Variants in ZNF112 observed in about 807,000 individuals in gnomAD.
ZNF112 encodes the protein zinc finger protein 112, also known as zinc finger protein 112 (Y14).
Under a neutral mutation model 77.7 loss-of-function variants are expected in ZNF112, and 37 were observed. That is an observed-to-expected ratio of 0.48 (90% confidence interval 0.37 to 0.63). The LOEUF is 0.63. Among genes scored for constraint, ZNF112 ranks in the 20% least tolerant of loss-of-function variants. ZNF112 has a pLI of 0.00. For missense variants in ZNF112, 950 were observed against 1,077.4 expected (o/e 0.88, Z 1.66); for synonymous variants, 333 against 363.6 (o/e 0.92, Z 0.96).
At chr19:44,335,873 G>A (rs73555162) in intron 3 of ZNF112, among the ~76,000 whole-genome samples, 10,680 of 152,250 alleles carry the variant, frequency 0.07, 491 homozygotes, top group African/African-American at 0.12. Flanking sequence ...GGCTTTTGAT[G>A]TCAGTCTTGA....
chr19:44,340,655 G>A lies in ZNF112; in HGVS notation c.-3-113C>T, dbSNP rs991152934. On this transcript the variant is annotated intron_variant, in intron 1 of 3. Coordinates refer to ENST00000354340, the MANE Select transcript of ZNF112 (RefSeq NM_013380.4). The stretch of plus-strand genomic sequence containing the variant: ...GGGCAACTTGAGTCACATTTACATA[G>A]TTCTCTTCTGTTTACCTTCTGTAAT... 4 of 1,443,154 alleles carry A rather than the reference G, an allele frequency of 2.8e-6. No homozygotes were observed. The South Asian group carries it at 3.7e-5, about 13-fold the overall frequency. The allele number at this position is 1,443,154 out of a possible 1,614,324, so 89.4% of individuals were successfully genotyped here. A position where few individuals can be genotyped will look rare whatever the true frequency, so the allele number is the denominator to read the frequency against.
In ZNF112 at chr19:44,328,085, T is replaced by A; in HGVS notation, c.2072A>T (p.Glu691Val). Residue 691 changes from glutamate to valine, a missense_variant, in exon 4 of 4, where the codon GAG becomes GTG. Physicochemically the swap from Glu to Val is moderately radical, Grantham distance 121. This residue lies in a region of ZNF112 where 373 missense variants were observed against 482.8 expected (regional missense o/e 0.77). Coordinates refer to ENST00000354340, the MANE Select transcript of ZNF112 (RefSeq NM_013380.4). Reference protein sequence around the residue: ...HTGEKPYQCDECGKSFSQRSY... With the variant: ...HTGEKPYQCDVCGKSFSQRSY... ...TCTCTGACTGAAACTCTTACCACAC[T>A]CATCACATTGGTATGGCTTCTCTCC... 1 of 1,613,752 alleles carries A rather than the reference T, an allele frequency of 6.2e-7. No individual in the cohort carries two copies. The highest frequency in any genetic ancestry group is 8.5e-7 in the Non-Finnish European group (1 of 1,179,930).
intron 1 of ZNF112, among the ~76,000 whole-genome samples, chr19:44,347,485 A>ACTTT (rs1555804139): frequency 5.6e-3 from 227 of 40,304 alleles, no homozygotes; most frequent in African/African-American, 0.016. Context: ...TTTTGGGTTG[A>ACTTT]TTTTTTTTTT....
chr19:44,360,257 G>GA (rs55864740), upstream of ZNF112, among the ~76,000 whole-genome samples: 100 of 138,676 alleles, frequency 7.2e-4, no homozygotes, highest in East Asian at 3.9e-3. Flanking sequence ...TCCATCTCAA[G>GA]AAAAAAAAAA....
chr19:44,329,968 G>C (rs182026667), intron 3 of ZNF112, 32 bp from the exon 4 acceptor site: 2 of 1,501,426 alleles, frequency 1.3e-6, no homozygotes, highest in South Asian at 2.5e-5. Context: ...AGATGTGCAC[G>C]AGTGAATGCT....
chr19:44,357,573 CA>C (rs60378301), upstream of ZNF112, among the ~76,000 whole-genome samples: 8,743 of 151,998 alleles, frequency 0.058, 712 homozygotes, highest in African/African-American at 0.18. Context: ...CAAGAATCCA[CA>C]AAAAAACAGA....
chr19:44,343,248 G>C, intron 1 of ZNF112: 1 of 1,613,450 alleles, frequency 6.2e-7, no homozygotes, highest in Non-Finnish European at 8.5e-7. Flanking sequence ...ATGAAAACCA[G>C]CTCACCTGGA....
chr19:44,365,486 ATGTG>A (rs1200785673), intron 1 of ZNF112, among the ~76,000 whole-genome samples: 1 of 148,064 alleles, frequency 6.8e-6, no homozygotes, highest in Non-Finnish European at 1.5e-5. Flanking sequence ...ATATATATTT[ATGTG>A]TGTGTGTGTA....
chr19:44,337,122 T>G (rs1970383505), intron 2 of ZNF112, among the ~76,000 whole-genome samples: 1 of 150,822 alleles, frequency 6.6e-6, no homozygotes, highest in African/African-American at 2.4e-5. Context: ...CCTCTTGCCT[T>G]GGCCTCCCAA....
intron 3 of ZNF112, among the ~76,000 whole-genome samples, chr19:44,330,296 CT>C (rs1970246300): frequency 6.6e-6 from 1 of 152,164 alleles, no homozygotes; most frequent in African/African-American, 2.4e-5. Context: ...CAAAACACTT[CT>C]GGTCCCAAGC....
upstream of ZNF112, among the ~76,000 whole-genome samples, chr19:44,357,058 A>ATT (rs1263291695): frequency 2.0e-5 from 3 of 152,146 alleles, no homozygotes; most frequent in Non-Finnish European, 4.4e-5. Flanking sequence ...AATTCCCGGA[A>ATT]TTTCTTGCAG....
chr19:44,350,982 T>C lies in ZNF112; in HGVS notation c.-4+5644A>G, dbSNP rs144541542. On this transcript the variant is annotated intron_variant, in intron 1 of 3. Coordinates refer to ENST00000354340, the MANE Select transcript of ZNF112 (RefSeq NM_013380.4). ...GCTTAAAATAATGCAATTTATTCTT[T>C]ATTAGTTATGGAGATCAGAAGTCTA... Among the ~76,000 whole-genome samples, 139 of 152,240 alleles carry C rather than the reference T, an allele frequency of 9.1e-4. 1 individual carries two copies. The highest frequency in any genetic ancestry group is 3.0e-3 in the African/African-American group (126 of 41,586).
At position 44,326,627 on chromosome 19, in the gene ZNF112, A is replaced by C. The variant is rs760857833; in HGVS notation, c.*806T>G. ...TTGGATACTTGCAAATATTACAGTA[A>C]AACTCTGCCTTAATTCACAGGGCAG... is the stretch of plus-strand genomic sequence containing the variant. On this transcript the variant is annotated 3_prime_UTR_variant, in exon 4 of 4. Transcript: ENST00000354340. 4.6e-5 allele frequency: 7 copies of C among 152,188 alleles called. No individual in the cohort carries two copies. The highest frequency in any genetic ancestry group is 7.2e-5 in the African/African-American group (3 of 41,452). The allele number at this position is 152,188 out of a possible 1,614,324, so 9.4% of individuals were successfully genotyped here.
chr19:44,356,564 C>T (rs1353043217), intron 1 of ZNF112, 62 bp downstream of exon 1: 1 of 152,336 alleles, frequency 6.6e-6, no homozygotes, highest in Non-Finnish European at 1.5e-5. Context: ...TGCTACTGGA[C>T]CCCAACAAAA....
At chr19:44,338,021 G>A (rs1970420360) in intron 2 of ZNF112, among the ~76,000 whole-genome samples, 1 of 145,130 alleles carries the variant, frequency 6.9e-6, no homozygotes, top group Admixed American at 6.8e-5. Context: ...CCAAGGCAAA[G>A]TAAAGATGAG....
At chr19:44,367,031 C>T (rs111731578) in intron 1 of ZNF112, 1 of 454,918 alleles carries the variant, frequency 2.2e-6, no homozygotes, top group East Asian at 6.9e-5. Flanking sequence ...TACAAGAGAT[C>T]CTCAACCCGC....
At chr19:44,337,813 GTA>G (rs1970409733) in intron 2 of ZNF112, among the ~76,000 whole-genome samples, 1 of 138,754 alleles carries the variant, frequency 7.2e-6, no homozygotes, top group East Asian at 2.1e-4. Flanking sequence ...TTCTATGTGT[GTA>G]TATGTGTATG....
intron 1 of ZNF112, among the ~76,000 whole-genome samples, chr19:44,346,109 T>G (rs188516858): frequency 6.6e-6 from 1 of 152,316 alleles, no homozygotes; most frequent in East Asian, 1.9e-4. Context: ...TTTAAGAAGG[T>G]TTCGCTGAAG....
At chr19:44,367,118 T>C (rs752147413) in exon 1 of ZNF112, 1 of 456,180 alleles carries the variant, frequency 2.2e-6, no homozygotes, top group South Asian at 1.5e-5. Context: ...TAGCCGCGGA[T>C]GCTCTTCTCG....
Sources: gnomAD v4.1 joint callset for allele counts (sites outside exome capture counted in the v4.1 genomes callset) on GRCh38, gnomAD v4.1.1 for gene constraint, gnomAD v4.1.1 regional missense constraint, MANE v1.5 for transcripts, NCBI Gene and HGNC (gene_info 2026-07-23, HGNC 2026-07-21) for gene names.